HIVEP1: variants seen among roughly 807,000 people sequenced by gnomAD.
The protein encoded by HIVEP1 is zinc finger protein 40.
Under a neutral mutation model 180.0 loss-of-function variants are expected in HIVEP1, and 36 were observed. The observed-to-expected ratio is 0.20, with a 90% confidence interval of 0.15 to 0.26. The LOEUF (loss-of-function observed/expected upper bound fraction) is 0.26, where lower values mean the gene tolerates loss of function less well. HIVEP1 is among the 10% of genes least tolerant of loss of function. HIVEP1 has a pLI of 1.00. For synonymous variants in HIVEP1, 1,239 were observed against 1,239.0 expected (o/e 1.00, Z 0.00); for missense variants, 3,143 against 3,268.7 (o/e 0.96, Z 0.94).
At chr6:12,012,108 C>CCGCCCGCCCCGCCGCGG (rs1349528862), upstream of HIVEP1, 6 of 145,352 alleles carry the variant, frequency 4.1e-5, no homozygotes, top group East Asian at 1.2e-3. Context: ...CAGGGTCTGT[C>CCGCCCGCCCCGCCGCGG]CGCCCGCCCC....
intron 7 of HIVEP1, among the ~76,000 whole-genome samples, chr6:12,154,712 C>T (rs1759916001): frequency 6.6e-6 from 1 of 152,068 alleles, no homozygotes; most frequent in Non-Finnish European, 1.5e-5. Flanking sequence ...ACCTAGAAGA[C>T]GGGTTGATGG....
intron 2 of HIVEP1, among the ~76,000 whole-genome samples, chr6:12,069,955 G>A (rs372202050): frequency 3.3e-5 from 5 of 150,744 alleles, no homozygotes; most frequent in African/African-American, 1.2e-4. Context: ...TTGTTATTAA[G>A]AACTAAGACA....
chr6:12,187,679 G>A, the HIVEP1 span, among the ~76,000 whole-genome samples: 1 of 150,460 alleles, frequency 6.6e-6, no homozygotes, highest in Non-Finnish European at 1.5e-5. Flanking sequence ...TGCAACCTCT[G>A]ACTCCAGGAT....
chr6:12,195,070 T>C, the HIVEP1 span, among the ~76,000 whole-genome samples: 2 of 152,160 alleles, frequency 1.3e-5, no homozygotes, highest in Admixed American at 1.3e-4. Context: ...AAAACTGAAT[T>C]CAAGATAGAA....
upstream of HIVEP1, among the ~76,000 whole-genome samples, chr6:12,011,134 T>G (rs897611145): frequency 2.0e-5 from 3 of 152,208 alleles, no homozygotes; most frequent in Non-Finnish European, 4.4e-5. Flanking sequence ...AGGGTTAACA[T>G]GTCCCCTTCC....
chr6:12,139,991 C>T (rs185583958), intron 7 of HIVEP1, among the ~76,000 whole-genome samples: 1 of 152,342 alleles, frequency 6.6e-6, no homozygotes, highest in East Asian at 1.9e-4. Flanking sequence ...CAGTGGTTCT[C>T]CCAGCATGGT....
In HIVEP1 at chr6:12,123,166, T is replaced by C. The variant is rs762498616; in HGVS notation, c.3371T>C (p.Ile1124Thr). 4.3e-6 allele frequency: 7 copies of C among 1,613,974 alleles called. No individual in the cohort carries two copies. The highest frequency in any genetic ancestry group is 2.7e-5 in the African/African-American group (2 of 74,882). ...QQISSAAQDK[I>T]ELQRHGTGIS... Reference sequence around the variant, plus strand: ...ATAAGTTCAGCAGCCCAGGACAAGATAGAACTGCAGAGACACGGAACTGGA... The same window carrying C: ...ATAAGTTCAGCAGCCCAGGACAAGACAGAACTGCAGAGACACGGAACTGGA... Residue 1124 changes from isoleucine (I) to threonine (T), a missense_variant, in exon 4 of 9, where the codon ATA becomes ACA. Physicochemically the swap from Ile to Thr is moderately conservative, Grantham distance 89 (BLOSUM62 -1). Around this residue, in one of 12 missense-constraint regions of HIVEP1, gnomAD observed 1,357 missense variants for 1,260.5 expected, o/e 1.08. Coordinates refer to ENST00000379388, the MANE Select transcript of HIVEP1 (RefSeq NM_002114.4).
At chr6:12,074,643 T>TGTGTGTGTGTGTGTGTGTGTGTGC (rs573970756) in intron 2 of HIVEP1, among the ~76,000 whole-genome samples, 1 of 148,030 alleles carries the variant, frequency 6.8e-6, no homozygotes. Context: ...TGTGTGTGTG[T>TGTGTGTGTGTGTGTGTGTGTGTGC]GCGCGCGCGT....
intron 7 of HIVEP1, among the ~76,000 whole-genome samples, chr6:12,145,582 CT>C (rs1255082918): frequency 1.3e-5 from 2 of 151,164 alleles, no homozygotes; most frequent in Non-Finnish European, 2.9e-5. Flanking sequence ...CTGCCTTCAG[CT>C]CTCTAGCAGA....
chr6:12,180,464 T>TTTTTAA, the HIVEP1 span, among the ~76,000 whole-genome samples: 23 of 152,354 alleles, frequency 1.5e-4, no homozygotes, highest in South Asian at 4.8e-3. Context: ...GAAGAAAATG[T>TTTTTAA]ATCTGTTTAT....
Position 12,121,712 on chromosome 6 carries a change from A to G in HIVEP1, c.1917A>G (p.Val639=). The G allele has an allele frequency of 6.2e-7, 1 of 1,614,252 alleles. No individual in the cohort carries two copies. The highest frequency in any genetic ancestry group is 8.5e-7 in the Non-Finnish European group (1 of 1,180,036). The part of the protein sequence containing the change: ...NPLEGKQDSH[V]GTVHAQLQRQ... ...TGGAAGGAAAGCAAGACTCTCACGT[A>G]GGAACGGTACACGCCCAGCTACAAA... Residue 639 remains valine, a synonymous_variant, in exon 4 of 9, where the codon GTA becomes GTG. Coordinates refer to ENST00000379388, the MANE Select transcript of HIVEP1 (RefSeq NM_002114.4). The surrounding 1 kb of genome is among the most constrained non-coding windows in gnomAD (Gnocchi z 5.3).
chr6:12,124,188 C>G lies in HIVEP1; in HGVS notation c.4393C>G (p.Gln1465Glu). ...ALPSVNAVPYQGPQLTSTSLA... is the reference protein window; with the variant it reads ...ALPSVNAVPYEGPQLTSTSLA... ...TCCCAGTGTGAATGCAGTGCCATAT[C>G]AGGGGCCTCAGCTCACTAGTACATC... Residue 1465 changes from glutamine to glutamate, a missense_variant, in exon 4 of 9, where the codon CAG becomes GAG. Physicochemically the swap from Gln to Glu is conservative, Grantham distance 29 (BLOSUM62 2). Coordinates refer to ENST00000379388, the MANE Select transcript of HIVEP1 (RefSeq NM_002114.4). 1 of 1,614,004 alleles carries G rather than the reference C, an allele frequency of 6.2e-7. No individual in the cohort carries two copies. Among genetic ancestry groups the G allele is most frequent in the South Asian group, 1.1e-5 (1 of 91,064 alleles).
rs115216741 is a variant in HIVEP1, at chr6:12,126,591, G to A, written c.6075+721G>A. 6.4e-3 allele frequency among the ~76,000 whole-genome samples: 981 copies of A among 152,254 alleles called. 7 individuals carry two copies. Among genetic ancestry groups the A allele is most frequent in the South Asian group, 0.014 (67 of 4,828 alleles). On this transcript the variant is annotated intron_variant, in intron 4 of 8. Coordinates refer to ENST00000379388, the MANE Select transcript of HIVEP1 (RefSeq NM_002114.4). The stretch of plus-strand genomic sequence containing the variant: ...TTAGAATAATAGGTAAGCATATCAC[G>A]TTCGACTCTGCATATTCAGAAGTAT...
intron 3 of HIVEP1, among the ~76,000 whole-genome samples, chr6:12,099,623 A>T (rs1773992470): frequency 6.6e-6 from 1 of 151,736 alleles, no homozygotes; most frequent in Non-Finnish European, 1.5e-5. Flanking sequence ...TCACCCTCTC[A>T]CCTCTGCCTG....
At chr6:12,023,045 CTT>C (rs1049875618) in intron 2 of HIVEP1, among the ~76,000 whole-genome samples, 1 of 152,276 alleles carries the variant, frequency 6.6e-6, no homozygotes, top group East Asian at 1.9e-4. Flanking sequence ...TTGTTGAACT[CTT>C]TTAAAAAATG....
downstream of HIVEP1, among the ~76,000 whole-genome samples, chr6:12,168,109 G>C (rs1224139001): frequency 0.029 from 211 of 7,388 alleles, 23 homozygotes; most frequent in Non-Finnish European, 0.062. Context: ...ACGTATATAT[G>C]TATATTATAT....
chr6:12,013,226 A>T (rs1405692096), intron 1 of HIVEP1, among the ~76,000 whole-genome samples: 1 of 152,112 alleles, frequency 6.6e-6, no homozygotes, highest in African/African-American at 2.4e-5. Context: ...TCCTCCTGGC[A>T]TGCGAAGCGC....
intron 6 of HIVEP1, among the ~76,000 whole-genome samples, chr6:12,135,262 T>C (rs1311204106): frequency 6.6e-6 from 1 of 152,196 alleles, no homozygotes; most frequent in African/African-American, 2.4e-5. Flanking sequence ...CTGAAGCCAA[T>C]GAAACTGTTA....
At chr6:12,059,446 T>C (rs1280291907) in intron 2 of HIVEP1, among the ~76,000 whole-genome samples, 1 of 152,200 alleles carries the variant, frequency 6.6e-6, no homozygotes, top group Non-Finnish European at 1.5e-5. Flanking sequence ...TTTGAGTAAT[T>C]TGTAATGTGA....
Sources: allele counts gnomAD v4.1 joint callset (sites outside exome capture counted in the v4.1 genomes callset), GRCh38; gene constraint gnomAD v4.1.1; regional missense constraint gnomAD v4.1.1; non-coding constraint Gnocchi (gnomAD v3.1); transcripts MANE v1.5; gene names NCBI Gene and HGNC (gene_info 2026-07-23, HGNC 2026-07-21).